ETS1: variants seen among roughly 807,000 people sequenced by gnomAD.
ETS1 encodes the protein protein C-ets-1.
In ETS1, 15 loss-of-function variants were observed where a neutral mutation model predicts 58.6. The ratio of observed to expected loss-of-function variants is 0.26; its 90% CI spans 0.17 to 0.39. ETS1 has a LOEUF of 0.39. Among genes scored for constraint, ETS1 ranks in the 10% least tolerant of loss-of-function variants. The pLI is 1.00. For synonymous variants in ETS1, 214 were observed against 218.2 expected (o/e 0.98, Z 0.17); for missense variants, 417 against 610.5 (o/e 0.68, Z 3.34).
intron 3 of ETS1, among the ~76,000 whole-genome samples, chr11:128,542,472 G>A (rs1414686935): frequency 6.6e-6 from 1 of 152,060 alleles, no homozygotes; most frequent in East Asian, 1.9e-4. Flanking sequence ...GTTAAGTCAG[G>A]AATTTCTTTC....
intron 5 of ETS1, among the ~76,000 whole-genome samples, chr11:128,486,963 C>T (rs1565376317): frequency 6.6e-6 from 1 of 152,160 alleles, no homozygotes; most frequent in Admixed American, 6.5e-5. Context: ...TTGGGTTTTT[C>T]CTCAGGTATT....
intron 1 of ETS1, among the ~76,000 whole-genome samples, chr11:128,581,695 A>G (rs965629862): frequency 3.3e-5 from 5 of 152,138 alleles, no homozygotes; most frequent in Admixed American, 2.0e-4. Flanking sequence ...AAAAACGTCA[A>G]CTCTAATCCA....
chr11:128,560,918 GA>G (rs906681222), intron 2 of ETS1, among the ~76,000 whole-genome samples: 51 of 152,180 alleles, frequency 3.4e-4, no homozygotes, highest in African/African-American at 1.2e-3. Flanking sequence ...TAACTGTTAA[GA>G]TTGAGTAAGA....
chr11:128,569,878 T>G (rs1565414313), intron 2 of ETS1, among the ~76,000 whole-genome samples: 1 of 152,340 alleles, frequency 6.6e-6, no homozygotes, highest in East Asian at 1.9e-4. Context: ...AACCTTCTGC[T>G]TTTACCCAAG....
In ETS1 at chr11:128,462,115, G is replaced by A; in HGVS notation, c.*246C>T. On this transcript the variant is annotated 3_prime_UTR_variant, in exon 10 of 10. Coordinates refer to ENST00000392668, the MANE Select transcript of ETS1 (RefSeq NM_001143820.2). ...GCCAGAGCCTTCAAGCTTCTGAGAA[G>A]GCCCTTCTCCCTCTCCTGAAAATTT... 1 of 497,750 alleles carries A rather than the reference G, an allele frequency of 2.0e-6. No homozygotes were observed. Among genetic ancestry groups the A allele is most frequent in the South Asian group, 3.0e-5 (1 of 32,862 alleles). The allele number at this position is 497,750 out of a possible 1,614,324, so 30.8% of individuals were successfully genotyped here. A position where few individuals can be genotyped will look rare whatever the true frequency, so the allele number is the denominator to read the frequency against.
intron 1 of ETS1, among the ~76,000 whole-genome samples, chr11:128,582,130 A>G (rs1183929995): frequency 6.6e-6 from 1 of 152,190 alleles, no homozygotes; most frequent in African/African-American, 2.4e-5. Context: ...TTGGAGTTGG[A>G]AAAAATTCAT....
chr11:128,512,910 C>T lies in ETS1; in HGVS notation c.215-22334G>A, dbSNP rs141544562. Among the ~76,000 whole-genome samples the T allele has an allele frequency of 4.2e-4, 64 of 152,394 alleles. No individual in the cohort carries two copies. In the East Asian group the frequency reaches 0.01, roughly 24 times the overall value. On this transcript the variant is annotated intron_variant, in intron 3 of 9. Coordinates refer to ENST00000392668, the MANE Select transcript of ETS1 (RefSeq NM_001143820.2). ...CCTGCGGAAGCAGCTGGACTAGCTGCTTCACCTACTGAATGCTTGACTTAC... is the reference window on the plus strand; with the variant it reads ...CCTGCGGAAGCAGCTGGACTAGCTGTTTCACCTACTGAATGCTTGACTTAC...
intron 2 of ETS1, among the ~76,000 whole-genome samples, chr11:128,557,817 G>A (rs1011992988): frequency 2.0e-5 from 3 of 152,180 alleles, no homozygotes; most frequent in African/African-American, 4.8e-5. Flanking sequence ...TCTCACCCCT[G>A]AAGACTAGCT....
At chr11:128,586,776 C>G (rs1485607836) in intron 1 of ETS1, among the ~76,000 whole-genome samples, 1 of 152,172 alleles carries the variant, frequency 6.6e-6, no homozygotes, top group South Asian at 2.1e-4. Context: ...GAGTCACATA[C>G]AAAGTGTCAC....
At chr11:128,512,349 T>C (rs1427107131) in intron 3 of ETS1, among the ~76,000 whole-genome samples, 1 of 152,206 alleles carries the variant, frequency 6.6e-6, no homozygotes, top group African/African-American at 2.4e-5. Context: ...CAAGCACCAG[T>C]AGATAAACTC....
chr11:128,547,158 TAGGA>T, intron 3 of ETS1, among the ~76,000 whole-genome samples: 1 of 152,302 alleles, frequency 6.6e-6, no homozygotes, highest in East Asian at 1.9e-4. Flanking sequence ...AAGGGATTTA[TAGGA>T]AGGAAGTTTA....
chr11:128,481,927 T>C (rs1197391939), intron 7 of ETS1, among the ~76,000 whole-genome samples: 4 of 152,158 alleles, frequency 2.6e-5, no homozygotes, highest in African/African-American at 9.7e-5. Context: ...CCTCTGGAAC[T>C]GCTTTAAACA....
chr11:128,522,278 C>G, intron 3 of ETS1: 1 of 1,122,194 alleles, frequency 8.9e-7, no homozygotes, highest in Non-Finnish European at 1.1e-6. Flanking sequence ...TCCCTCCTCT[C>G]CGCCGGCGGC....
At chr11:128,499,284 T>G (rs1726055571) in intron 3 of ETS1, among the ~76,000 whole-genome samples, 1 of 152,264 alleles carries the variant, frequency 6.6e-6, no homozygotes, top group African/African-American at 2.4e-5. Flanking sequence ...TTGCAGATGC[T>G]GATGAATTGG....
chr11:128,522,306 A>G (rs985380820), intron 3 of ETS1: 7 of 1,069,054 alleles, frequency 6.5e-6, no homozygotes, highest in Non-Finnish European at 7.9e-6. Context: ...TTCGCTCTCG[A>G]TCTCCCGGCC....
intron 4 of ETS1, 114 bp from the exon 5 acceptor site, chr11:128,489,604 C>T (rs1591610917): frequency 1.5e-5 from 12 of 801,644 alleles, no homozygotes; most frequent in East Asian, 5.1e-5. Flanking sequence ...CTTTATTCAT[C>T]GAATGAGGAA....
intron 3 of ETS1, among the ~76,000 whole-genome samples, chr11:128,538,753 CAT>C (rs1864009296): frequency 7.1e-6 from 1 of 140,052 alleles, no homozygotes; most frequent in African/African-American, 3.0e-5. Context: ...CACATACACA[CAT>C]ACACACACAC....
intron 3 of ETS1, among the ~76,000 whole-genome samples, chr11:128,538,966 T>C (rs905880178): frequency 1.6e-4 from 24 of 152,284 alleles, no homozygotes; most frequent in Middle Eastern, 3.4e-3. Context: ...GGAGAAAGAA[T>C]ACTCTTTTAA....
chr11:128,523,002 TGAGC>T (rs1418828583), intron 3 of ETS1, among the ~76,000 whole-genome samples: 1 of 146,158 alleles, frequency 6.8e-6, no homozygotes, highest in Non-Finnish European at 1.6e-5. Context: ...AACCCAGCCA[TGAGC>T]TTCCGTAAGC....
Sources: gnomAD v4.1 joint callset for allele counts (sites outside exome capture counted in the v4.1 genomes callset) on GRCh38, gnomAD v4.1.1 for gene constraint, MANE v1.5 for transcripts, NCBI Gene and HGNC (gene_info 2026-07-23, HGNC 2026-07-21) for gene names.